KRT6B: variants seen among roughly 807,000 people sequenced by gnomAD.
KRT6B encodes the protein keratin, type II cytoskeletal 6B.
In KRT6B, 29 loss-of-function variants were observed where a neutral mutation model predicts 44.7. That is an observed-to-expected ratio of 0.65 (90% CI 0.48 to 0.88). The LOEUF (loss-of-function observed/expected upper bound fraction) is 0.88. Among genes scored for constraint, KRT6B ranks in the 40% least tolerant of loss-of-function variants. The pLI, the probability that KRT6B is intolerant of heterozygous loss-of-function variation, is 0.00. For missense variants in KRT6B, 600 were observed against 724.0 expected (o/e 0.83, Z 1.97); for synonymous variants, 213 against 296.0 (o/e 0.72, Z 2.88).
intron 7 of KRT6B, 47 bp from the exon 8 acceptor site, chr12:52,447,620 T>C (rs148975045): frequency 2.0e-4 from 330 of 1,613,906 alleles, no homozygotes; most frequent in Non-Finnish European, 2.3e-4. Flanking sequence ...TGGACGAGCA[T>C]GGGAAGCCTC....
In KRT6B at chr12:52,450,710, C is replaced by T; in HGVS notation, c.541-90G>A. ...GTTTCCTGGAGGTCTGGGAGGTCCC[C>T]ATGGTGCTGGGCTACTACAGTGCAT... On this transcript the variant is annotated intron_variant, in intron 1 of 8. Transcript: ENST00000252252. The T allele has an allele frequency of 8.2e-6, 13 of 1,588,906 alleles. No homozygotes were observed. In the South Asian group the frequency reaches 1.3e-4, roughly 16 times the overall value.
chr12:52,452,135 G>A lies in KRT6B; in HGVS notation c.-57C>T. 3 of 1,612,664 alleles carry A rather than the reference G, an allele frequency of 1.9e-6. No homozygotes were observed. Among genetic ancestry groups the A allele is most frequent in the Non-Finnish European group, 2.5e-6 (3 of 1,179,400 alleles). On this transcript the variant is annotated 5_prime_UTR_variant, in exon 1 of 9. Coordinates refer to ENST00000252252, the MANE Select transcript of KRT6B (RefSeq NM_005555.4). The stretch of plus-strand genomic sequence containing the variant: ...GTGAGAGGCTGGAGGCGAGAGGGAG[G>A]AGAAGCAGGACGAGGAATCGGACTC...
Position 52,450,068 on chromosome 12 carries a change from C to T in KRT6B, c.760G>A (p.Glu254Lys). The T allele has an allele frequency of 6.2e-7, 1 of 1,613,948 alleles. No individual in the cohort carries two copies. The highest frequency in any genetic ancestry group is 8.5e-7 in the Non-Finnish European group (1 of 1,179,862). ...DLVEDLKNKY[E>K]DEINKRTAAE... ...GCTGTGCGCTTGTTGATTTCATCCT[C>T]ATATCTACAGGAAGAAAGGCATGGG... Residue 254 changes from glutamate to lysine, a missense_variant, in exon 3 of 9, where the codon GAG becomes AAG. By Grantham distance (56) the Glu-to-Lys change is moderately conservative. Coordinates refer to ENST00000252252, the MANE Select transcript of KRT6B (RefSeq NM_005555.4).
rs1445408084 is a variant in KRT6B at position 52,451,942 on chromosome 12, C to G, written c.137G>C (p.Gly46Ala). 2 of 1,613,254 alleles carry G rather than the reference C, an allele frequency of 1.2e-6. No individual in the cohort carries two copies. The highest frequency in any genetic ancestry group is 1.7e-6 in the Non-Finnish European group (2 of 1,179,990). ...AGCTCCTCCACATGCGCCACCCAGGCCACCACTGCCCCTGGAGCGGGACAC... is the reference window on the plus strand; with the variant it reads ...AGCTCCTCCACATGCGCCACCCAGGGCACCACTGCCCCTGGAGCGGGACAC... ...ISVSRSRGSG[G>A]LGGACGGAGF... is the part of the protein sequence containing the mutation. The change falls in exon 1 of 9, where the codon GGC becomes GCC. Residue 46 changes from glycine to alanine, a missense_variant. Coordinates refer to ENST00000252252, the MANE Select transcript of KRT6B (RefSeq NM_005555.4).
intron 2 of KRT6B, 99 bp from the exon 3 acceptor site, chr12:52,450,171 A>C: frequency 6.2e-7 from 1 of 1,607,010 alleles, no homozygotes; most frequent in African/African-American, 1.3e-5. Flanking sequence ...AATATATTCT[A>C]ATTGAGCTTT....
chr12:52,447,434 G>C lies in KRT6B; in HGVS notation c.1460-9C>G. On this transcript the variant is annotated splice_polypyrimidine_tract_variant and intron_variant, in intron 8 of 8. Coordinates refer to ENST00000252252, the MANE Select transcript of KRT6B (RefSeq NM_005555.4). Reference sequence around the variant, plus strand: ...GGTGGACTGCACTACAGCTGTGGTGGGGAGGGGACAAGGACACAAGAAGCC... The same window carrying C: ...GGTGGACTGCACTACAGCTGTGGTGCGGAGGGGACAAGGACACAAGAAGCC... The C allele has an allele frequency of 6.2e-7, 1 of 1,614,038 alleles. No homozygotes were observed. Among genetic ancestry groups the C allele is most frequent in the Non-Finnish European group, 8.5e-7 (1 of 1,179,936 alleles).
At chr12:52,448,227 G>A (rs1231715752) in intron 6 of KRT6B, among the ~76,000 whole-genome samples, 2 of 152,198 alleles carry the variant, frequency 1.3e-5, no homozygotes, top group Non-Finnish European at 2.9e-5. Context: ...AGATGTGGGT[G>A]ATGACCAATG....
chr12:52,447,382 G>A lies in KRT6B; in HGVS notation c.1503C>T (p.Ser501=), dbSNP rs753657782. Residue 501 remains serine (S), a synonymous_variant, in exon 9 of 9, where the codon AGC becomes AGT. Transcript: ENST00000252252. ...CCAGGCCTAAGCCACTGCCGACACCGCTGGCACCGCCATAGCCACTGGAGA... is the reference window on the plus strand; with the variant it reads ...CCAGGCCTAAGCCACTGCCGACACCACTGGCACCGCCATAGCCACTGGAGA... The part of the protein sequence containing the change: ...STVSSGYGGA[S]GVGSGLGLGG... 77 of 1,613,778 alleles carry A rather than the reference G, an allele frequency of 4.8e-5. No homozygotes were observed. The highest frequency in any genetic ancestry group is 5.5e-5 in the Non-Finnish European group (65 of 1,179,878).
chr12:52,449,475 C>T lies in KRT6B; in HGVS notation c.1071G>A (p.Gln357=), dbSNP rs373549008. The change falls in exon 5 of 9, where the codon CAG becomes CAA. Residue 357 remains glutamine, a synonymous_variant. Transcript: ENST00000252252. The part of the protein sequence containing the change: ...RSRAEAESWY[Q]TKYEELQITA... ...CTGTCCACTCCGTGCTCACCTTTGT[C>T]TGGTACCAGGACTCAGCCTCAGCCC... 6.2e-7 allele frequency: 1 copy of T among 1,614,202 alleles called. No homozygotes were observed. The highest frequency in any genetic ancestry group is 8.5e-7 in the Non-Finnish European group (1 of 1,180,034).
At position 52,450,564 on chromosome 12, in the gene KRT6B, C is replaced by T. The variant is rs1592170614; in HGVS notation, c.597G>A (p.Gln199=). 6.2e-7 allele frequency: 1 copy of T among 1,614,242 alleles called. No individual in the cohort carries two copies. Among genetic ancestry groups the T allele is most frequent in the Admixed American group, 1.7e-5 (1 of 60,034 alleles). ...KVLDTKWTLL[Q]EQGTKTVRQN... ...GCCTCACAGTCTTGGTGCCCTGCTC[C>T]TGCAGCAGGGTCCACTTGGTGTCCA... Residue 199 remains glutamine, a synonymous_variant, in exon 2 of 9, where the codon CAG becomes CAA. Transcript: ENST00000252252.
rs1002602158 is a variant in KRT6B, at chr12:52,452,146, C to T, written c.-68G>A. On this transcript the variant is annotated 5_prime_UTR_variant, in exon 1 of 9. Transcript: ENST00000252252. ...GAGGCGAGAGGGAGGAGAAGCAGGA[C>T]GAGGAATCGGACTCCAGTAGCAGCT... The T allele has an allele frequency of 4.4e-6, 7 of 1,608,842 alleles. No individual in the cohort carries two copies. In the South Asian group the frequency reaches 4.4e-5, roughly 10 times the overall value.
In KRT6B at chr12:52,449,489, C is replaced by T. The variant is rs1306241693; in HGVS notation, c.1057G>A (p.Glu353Lys). ...CTCACCTTTGTCTGGTACCAGGACT[C>T]AGCCTCAGCCCTGCTCCTCTGAGCA... Reference protein sequence around the residue: ...EIAQRSRAEAESWYQTKYEEL... With the variant: ...EIAQRSRAEAKSWYQTKYEEL... The change falls in exon 5 of 9, where the codon GAG (glutamate) becomes AAG (lysine). Residue 353 changes from glutamate (E) to lysine (K), a missense_variant. This residue lies in a region of KRT6B where 479 missense variants were observed against 454.2 expected (regional missense o/e 1.05). Transcript: ENST00000252252. The T allele has an allele frequency of 2.0e-5, 32 of 1,614,062 alleles. No individual in the cohort carries two copies. Among genetic ancestry groups the T allele is most frequent in the Non-Finnish European group, 2.5e-5 (30 of 1,180,044 alleles).
chr12:52,450,752 T>C (rs1940390922), intron 1 of KRT6B, 132 bp from the exon 2 acceptor site: 1 of 1,395,646 alleles, frequency 7.2e-7, no homozygotes, highest in Non-Finnish European at 9.9e-7. Context: ...AGGCTCAGGC[T>C]GAGCTCTGCT....
rs1232569774 is a variant in KRT6B, at chr12:52,449,479, T to C, written c.1067A>G (p.Tyr356Cys). The part of the protein sequence containing the change: ...QRSRAEAESW[Y>C]QTKYEELQIT... ...CCACTCCGTGCTCACCTTTGTCTGG[T>C]ACCAGGACTCAGCCTCAGCCCTGCT... The change falls in exon 5 of 9, where the codon TAC becomes TGC. Residue 356 changes from tyrosine (Y) to cysteine (C), a missense_variant. Coordinates refer to ENST00000252252, the MANE Select transcript of KRT6B (RefSeq NM_005555.4). 6.2e-7 allele frequency: 1 copy of C among 1,614,080 alleles called. No homozygotes were observed. The highest frequency in any genetic ancestry group is 8.5e-7 in the Non-Finnish European group (1 of 1,180,038).
In KRT6B at chr12:52,450,701, G is replaced by T. The variant is rs566643583; in HGVS notation, c.541-81C>A. ...TGGTATCCAGTTTCCTGGAGGTCTG[G>T]GAGGTCCCCATGGTGCTGGGCTACT... On this transcript the variant is annotated intron_variant, in intron 1 of 8. Coordinates refer to ENST00000252252, the MANE Select transcript of KRT6B (RefSeq NM_005555.4). 1.9e-6 allele frequency: 3 copies of T among 1,603,834 alleles called. No homozygotes were observed. In the African/African-American group the frequency reaches 4.0e-5, roughly 22 times the overall value.
intron 1 of KRT6B, 69 bp from the exon 2 acceptor site, chr12:52,450,689 C>A: frequency 6.2e-7 from 1 of 1,611,420 alleles, no homozygotes; most frequent in Non-Finnish European, 8.5e-7. Context: ...TATCCAGTTT[C>A]CTGGAGGTCT....
intron 6 of KRT6B, 29 bp downstream of exon 6, chr12:52,448,813 C>T (rs755221849): frequency 1.2e-5 from 20 of 1,614,006 alleles, no homozygotes; most frequent in African/African-American, 2.7e-5. Context: ...AAAAATGATG[C>T]TTTTCTCCTC....
At chr12:52,449,448 G>A (rs144574070) in intron 5 of KRT6B, 21 bp downstream of exon 5, 18,060 of 1,614,086 alleles carry the variant, frequency 0.011, 290 homozygotes, top group South Asian at 0.061. Flanking sequence ...ATTCCTCAGC[G>A]GCTGTCCACT....
chr12:52,447,941 T>G lies in KRT6B; in HGVS notation c.1261A>C (p.Lys421Gln). The change falls in exon 7 of 9, where the codon AAG (lysine) becomes CAG (glutamine). Residue 421 changes from lysine to glutamine, a missense_variant. Around this residue, in one of 4 missense-constraint regions of KRT6B, gnomAD observed 479 missense variants for 454.2 expected, o/e 1.05. Coordinates refer to ENST00000252252, the MANE Select transcript of KRT6B (RefSeq NM_005555.4). ...CCTTCCAGCTTGTTCTTAGCATCCT[T>G]GAGGGCCATCTCCCCACGCTGCTCA... ...DAEQRGEMAL[K>Q]DAKNKLEGLE... The G allele has an allele frequency of 6.2e-7, 1 of 1,614,116 alleles. No homozygotes were observed.
Sources: gnomAD v4.1 joint callset for allele counts (sites outside exome capture counted in the v4.1 genomes callset) on GRCh38, gnomAD v4.1.1 for gene constraint, gnomAD v4.1.1 regional missense constraint, MANE v1.5 for transcripts, NCBI Gene and HGNC (gene_info 2026-07-23, HGNC 2026-07-21) for gene names.